CA7: variants seen among roughly 807,000 people sequenced by gnomAD.
CA7 encodes the protein carbonate dehydratase VII.
Under a neutral mutation model 31.4 loss-of-function variants are expected in CA7, and 13 were observed. That is an observed-to-expected ratio of 0.41 (90% confidence interval 0.27 to 0.66). The LOEUF (loss-of-function observed/expected upper bound fraction) is 0.66. CA7 is among the 30% of genes least tolerant of loss of function. The pLI is 0.28. For synonymous variants in CA7, 128 were observed against 133.2 expected, an observed-to-expected ratio of 0.96 and a Z score of 0.27; for missense variants, 215 against 351.0, an observed-to-expected ratio of 0.61 and a Z score of 3.10.
chr16:66,844,635 C>T (rs936174689), intron 1 of CA7, 108 bp downstream of exon 1: 4 of 954,960 alleles, frequency 4.2e-6, no homozygotes, highest in African/African-American at 3.4e-5. Context: ...CTCCCACACT[C>T]CAGGCTGGGC....
chr16:66,846,154 C>T lies in CA7; in HGVS notation c.41-876C>T, dbSNP rs1597060396. Among the ~76,000 whole-genome samples the T allele has an allele frequency of 1.3e-5, 2 of 150,572 alleles. 1 individual carries two copies. The highest frequency in any genetic ancestry group is 4.2e-4 in the South Asian group (2 of 4,754). Reference sequence around the variant, plus strand: ...GATCCTCTGGGAGGCAGGTGGTGGGCGCCTGTGGGTGTGTATGCAGGTGTG... The same window carrying T: ...GATCCTCTGGGAGGCAGGTGGTGGGTGCCTGTGGGTGTGTATGCAGGTGTG... On this transcript the variant is annotated intron_variant, in intron 1 of 6. Coordinates refer to ENST00000338437, the MANE Select transcript of CA7 (RefSeq NM_005182.3).
chr16:66,850,755 G>C, intron 3 of CA7, 96 bp downstream of exon 3: 1 of 915,100 alleles, frequency 1.1e-6, no homozygotes, highest in Non-Finnish European at 1.8e-6. Flanking sequence ...TCGGGCCTTG[G>C]AGAGGGGGAA....
intron 1 of CA7, among the ~76,000 whole-genome samples, chr16:66,845,933 A>G (rs1336384451): frequency 1.3e-5 from 2 of 152,224 alleles, no homozygotes; most frequent in African/African-American, 2.4e-5. Context: ...CAGGGCTTCA[A>G]AAATAACCCA....
Position 66,853,895 on chromosome 16 carries a change from G to A in CA7, c.*397G>A. On this transcript the variant is annotated 3_prime_UTR_variant, in exon 7 of 7. Coordinates refer to ENST00000338437, the MANE Select transcript of CA7 (RefSeq NM_005182.3). This position sits in a 1 kb window ranked among gnomAD's most constrained non-coding sequence, Gnocchi z 4.5. The stretch of plus-strand genomic sequence containing the variant: ...AGAGACTCAAGCAATAATTAGAGGT[G>A]GGCAGAGCTGCCCTCTCGGCATTAC... The A allele has an allele frequency of 5.5e-6, 1 of 180,196 alleles. No individual in the cohort carries two copies. The highest frequency in any genetic ancestry group is 2.3e-5 in the African/African-American group (1 of 42,786). 11.2% of individuals were successfully genotyped at this position (180,196 alleles called of 1,614,324 possible). A position where few individuals can be genotyped will look rare whatever the true frequency, so the allele number is the denominator to read the frequency against.
At position 66,852,808 on chromosome 16, in the gene CA7, C is replaced by T. The variant is rs1961092743; in HGVS notation, c.613C>T (p.Leu205Phe). 2.5e-6 allele frequency: 4 copies of T among 1,614,118 alleles called. No individual in the cohort carries two copies. Among genetic ancestry groups the T allele is most frequent in the Non-Finnish European group, 2.5e-6 (3 of 1,180,012 alleles). Reference protein sequence around the residue: ...TYPGSLTTPPLSESVTWIVLR... With the variant: ...TYPGSLTTPPFSESVTWIVLR... Reference sequence around the variant, plus strand: ...CCCGGGCTCTCTGACGACTCCCCCACTCAGTGAGAGTGTCACCTGGATTGT... The same window carrying T: ...CCCGGGCTCTCTGACGACTCCCCCATTCAGTGAGAGTGTCACCTGGATTGT... The change falls in exon 6 of 7, where the codon CTC (leucine) becomes TTC (phenylalanine). Residue 205 changes from leucine (L) to phenylalanine (F), a missense_variant. Physicochemically the swap from Leu to Phe is conservative, Grantham distance 22. Coordinates refer to ENST00000338437, the MANE Select transcript of CA7 (RefSeq NM_005182.3).
chr16:66,853,738 T>C lies in CA7; in HGVS notation c.*240T>C. The C allele has an allele frequency of 1.9e-6, 1 of 523,996 alleles. No individual in the cohort carries two copies. The highest frequency in any genetic ancestry group is 3.4e-6 in the Non-Finnish European group (1 of 294,656). The allele number at this position is 523,996 out of a possible 1,614,324, so 32.5% of individuals were successfully genotyped here. A position where few individuals can be genotyped will look rare whatever the true frequency, so the allele number is the denominator to read the frequency against. On this transcript the variant is annotated 3_prime_UTR_variant, in exon 7 of 7. Transcript: ENST00000338437. The surrounding 1 kb of genome is among the most constrained non-coding windows in gnomAD (Gnocchi z 4.5). ...CAGGGTCCAAGCCTGGGGCTGCCTC[T>C]GCTCTCCAAGACCCAAAGACCCTGG... is the stretch of plus-strand genomic sequence containing the variant.
Position 66,853,633 on chromosome 16 carries a change from A to G in CA7, c.*135A>G, listed in dbSNP as rs958119258. ...CCTTCAGCCAGTTTGCTCCTTGGTCACCCTGGAGGCTTCTGGATGGGACCC... is the reference window on the plus strand; with the variant it reads ...CCTTCAGCCAGTTTGCTCCTTGGTCGCCCTGGAGGCTTCTGGATGGGACCC... On this transcript the variant is annotated 3_prime_UTR_variant, in exon 7 of 7. Transcript: ENST00000338437. This position sits in a 1 kb window ranked among gnomAD's most constrained non-coding sequence, Gnocchi z 4.5. 7.5e-6 allele frequency: 9 copies of G among 1,198,228 alleles called. No individual in the cohort carries two copies. Among genetic ancestry groups the G allele is most frequent in the African/African-American group, 1.5e-5 (1 of 65,648 alleles). The allele number at this position is 1,198,228 out of a possible 1,614,324, so 74.2% of individuals were successfully genotyped here.
At chr16:66,846,943 G>A (rs2145377802) in intron 1 of CA7, 87 bp from the exon 2 acceptor site, 1 of 1,107,294 alleles carries the variant, frequency 9.0e-7, no homozygotes, top group Non-Finnish European at 1.4e-6. Context: ...AAAGGATGCT[G>A]AAGAGACCAT....
chr16:66,850,747 G>C, intron 3 of CA7, 88 bp downstream of exon 3: 1 of 980,752 alleles, frequency 1.0e-6, no homozygotes, highest in Non-Finnish European at 1.6e-6. Context: ...GCCTGGGGTC[G>C]GGCCTTGGAG....
chr16:66,846,328 A>G (rs1181590461), intron 1 of CA7, among the ~76,000 whole-genome samples: 1 of 152,182 alleles, frequency 6.6e-6, no homozygotes, highest in Non-Finnish European at 1.5e-5. Context: ...GTTTGTACAC[A>G]TGAATGTTCT....
chr16:66,845,147 C>G, intron 1 of CA7: 1 of 985,670 alleles, frequency 1.0e-6, no homozygotes, highest in Non-Finnish European at 1.2e-6. Flanking sequence ...CCGTGGCCCA[C>G]ACCAGCCTCC....
intron 2 of CA7, among the ~76,000 whole-genome samples, chr16:66,847,447 T>C (rs1286876406): frequency 1.3e-5 from 2 of 152,146 alleles, no homozygotes; most frequent in African/African-American, 4.8e-5. Context: ...AAAAACCAAG[T>C]AAGGTCGATA....
intron 1 of CA7, 43 bp from the exon 2 acceptor site, chr16:66,846,987 G>C: frequency 6.3e-7 from 1 of 1,579,672 alleles, no homozygotes; most frequent in South Asian, 1.1e-5. Flanking sequence ...GAAGCCCAGA[G>C]ATCCTGGCTG....
At chr16:66,847,269 C>T (rs750130377) in intron 2 of CA7, 42 bp downstream of exon 2, 1 of 1,568,834 alleles carries the variant, frequency 6.4e-7, no homozygotes, top group Non-Finnish European at 8.8e-7. Flanking sequence ...GCCCCTGGCC[C>T]CTTAGGGTCC....
At chr16:66,845,904 C>T (rs940746953) in intron 1 of CA7, among the ~76,000 whole-genome samples, 40 of 152,180 alleles carry the variant, frequency 2.6e-4, no homozygotes, top group African/African-American at 9.4e-4. Flanking sequence ...ACAGAGGTGC[C>T]GGCATGCAGC....
rs1277089489 is a variant in CA7, at chr16:66,853,388, C to T, written c.685C>T (p.Arg229Trp). 7 of 1,613,986 alleles carry T rather than the reference C, an allele frequency of 4.3e-6. No individual in the cohort carries two copies. In the African/African-American group the frequency reaches 6.7e-5, roughly 15 times the overall value. ...CISERQMGKF[R>W]SLLFTSEDDE... is the part of the protein sequence containing the mutation. Reference sequence around the variant, plus strand: ...CTGCTTCCTCAAGATGGGGAAGTTCCGGAGCCTGCTTTTTACCTCGGAGGA... The same window carrying T: ...CTGCTTCCTCAAGATGGGGAAGTTCTGGAGCCTGCTTTTTACCTCGGAGGA... Residue 229 changes from arginine to tryptophan, a missense_variant, in exon 7 of 7, where the codon CGG (arginine) becomes TGG (tryptophan). Transcript: ENST00000338437. This position sits in a 1 kb window ranked among gnomAD's most constrained non-coding sequence, Gnocchi z 4.5.
intron 5 of CA7, 109 bp downstream of exon 5, chr16:66,851,835 A>G: frequency 1.0e-6 from 1 of 966,116 alleles, no homozygotes; most frequent in Non-Finnish European, 1.6e-6. Flanking sequence ...CCTTGCTGAG[A>G]CCAAGGAGGA....
intron 1 of CA7, chr16:66,845,236 T>G (rs1960903505): frequency 1.0e-6 from 1 of 984,624 alleles, no homozygotes; most frequent in Non-Finnish European, 1.2e-6. Context: ...AGGCAGAAGG[T>G]GAGAGCCAGA....
chr16:66,851,954 A>C (rs1205304476), intron 5 of CA7, among the ~76,000 whole-genome samples: 1 of 152,122 alleles, frequency 6.6e-6, no homozygotes, highest in African/African-American at 2.4e-5. Context: ...GATGCTTGTC[A>C]CATTAATGGT....
Sources: allele counts gnomAD v4.1 joint callset (sites outside exome capture counted in the v4.1 genomes callset), GRCh38; gene constraint gnomAD v4.1.1; non-coding constraint Gnocchi (gnomAD v3.1); transcripts MANE v1.5; gene names NCBI Gene and HGNC (gene_info 2026-07-23, HGNC 2026-07-21).